SGCD: variants seen among roughly 807,000 people sequenced by gnomAD.
SGCD encodes the protein sarcoglycan delta.
Under a neutral mutation model 36.6 loss-of-function variants are expected in SGCD, and 18 were observed. The ratio of observed to expected loss-of-function variants is 0.49; its 90% CI spans 0.34 to 0.73. The LOEUF (loss-of-function observed/expected upper bound fraction) is 0.73, where lower values mean the gene tolerates loss of function less well. Ranked by LOEUF, SGCD falls within the 30% of genes least tolerant of loss-of-function variation. SGCD has a pLI of 0.01. For synonymous variants in SGCD, 133 were observed against 130.6 expected (o/e 1.02, Z -0.12); for missense variants, 387 against 346.7 (o/e 1.12, Z -0.92).
chr5:156,499,757 G>A (rs371986864), intron 3 of SGCD, among the ~76,000 whole-genome samples: 3 of 152,174 alleles, frequency 2.0e-5, no homozygotes, highest in Non-Finnish European at 4.4e-5. Flanking sequence ...GTGTGCTAAA[G>A]ATTATATTAA....
chr5:156,256,886 T>TA (rs1561587269), intron 3 of SGCD, among the ~76,000 whole-genome samples: 1 of 152,116 alleles, frequency 6.6e-6, no homozygotes, highest in East Asian at 1.9e-4. Context: ...TAATGTTGGA[T>TA]AAAAAAATGA....
chr5:156,192,741 A>G (rs1202770109), intron 3 of SGCD, among the ~76,000 whole-genome samples: 2 of 151,278 alleles, frequency 1.3e-5, no homozygotes, highest in African/African-American at 4.9e-5. Flanking sequence ...TGTACCCCAT[A>G]AATATGTACA....
chr5:155,895,963 C>T (rs17052955), intron 1 of SGCD, among the ~76,000 whole-genome samples: 1,661 of 152,342 alleles, frequency 0.011, 28 homozygotes, highest in African/African-American at 0.038. Flanking sequence ...AGATGTATGG[C>T]CTTTGCCGTA....
intron 3 of SGCD, among the ~76,000 whole-genome samples, chr5:156,467,261 C>T (rs1754758389): frequency 6.6e-6 from 1 of 152,100 alleles, no homozygotes; most frequent in Non-Finnish European, 1.5e-5. Context: ...TAGTTTTATT[C>T]ATTTAATTAT....
intron 1 of SGCD, among the ~76,000 whole-genome samples, chr5:155,890,265 C>G (rs950652354): frequency 3.3e-5 from 5 of 150,612 alleles, no homozygotes; most frequent in African/African-American, 1.2e-4. Flanking sequence ...ATAGGAAACT[C>G]ATTATGGCCA....
intron 3 of SGCD, among the ~76,000 whole-genome samples, chr5:156,487,428 A>C (rs188889466): frequency 1.3e-5 from 2 of 152,324 alleles, no homozygotes; most frequent in Admixed American, 1.3e-4. Context: ...ATAACAATGT[A>C]AGTTCAAGAA....
At chr5:156,260,053 A>T (rs1035081862) in intron 3 of SGCD, among the ~76,000 whole-genome samples, 1 of 152,198 alleles carries the variant, frequency 6.6e-6, no homozygotes, top group African/African-American at 2.4e-5. Context: ...TAGCAACAGA[A>T]AAAACACTGT....
At chr5:156,225,377 A>G (rs1198211185) in intron 3 of SGCD, among the ~76,000 whole-genome samples, 4 of 152,172 alleles carry the variant, frequency 2.6e-5, no homozygotes, top group African/African-American at 9.7e-5. Flanking sequence ...TACTTAACAC[A>G]AAACTTTTAT....
the SGCD span, among the ~76,000 whole-genome samples, chr5:155,841,416 C>T: frequency 6.6e-6 from 1 of 152,140 alleles, no homozygotes; most frequent in African/African-American, 2.4e-5. Flanking sequence ...TTGGATTTTT[C>T]CCAATTTGGT....
chr5:155,823,597 A>G, the SGCD span, among the ~76,000 whole-genome samples: 2 of 152,194 alleles, frequency 1.3e-5, no homozygotes, highest in African/African-American at 2.4e-5. Flanking sequence ...CATGAGCTGA[A>G]TGGTGCATGA....
At chr5:156,183,957 G>C (rs1433482034) in intron 3 of SGCD, among the ~76,000 whole-genome samples, 1 of 152,002 alleles carries the variant, frequency 6.6e-6, no homozygotes, top group Non-Finnish European at 1.5e-5. Flanking sequence ...CTTTCAGTAG[G>C]GTTACATTTT....
chr5:155,924,810 T>C (rs913643167), intron 1 of SGCD, among the ~76,000 whole-genome samples: 1 of 152,182 alleles, frequency 6.6e-6, no homozygotes, highest in Non-Finnish European at 1.5e-5. Context: ...GGTGAAAATA[T>C]TAAGGAAATG....
chr5:156,676,719 C>T (rs979520550), intron 7 of SGCD, among the ~76,000 whole-genome samples: 1 of 152,158 alleles, frequency 6.6e-6, no homozygotes, highest in Non-Finnish European at 1.5e-5. Context: ...ATTCAGAAGG[C>T]TTTGAGATGA....
At chr5:156,304,619 G>A (rs188737553) in intron 3 of SGCD, among the ~76,000 whole-genome samples, 56 of 152,316 alleles carry the variant, frequency 3.7e-4, no homozygotes, top group Admixed American at 3.3e-3. Context: ...GTAGAGTGGG[G>A]CACTGCTGAA....
chr5:155,796,874 T>G, the SGCD span, among the ~76,000 whole-genome samples: 1 of 143,552 alleles, frequency 7.0e-6, no homozygotes, highest in Non-Finnish European at 1.5e-5. Context: ...AGAAAAAGAT[T>G]AACAAACCAC....
chr5:156,005,017 G>C (rs1758729253), intron 1 of SGCD, among the ~76,000 whole-genome samples: 1 of 152,200 alleles, frequency 6.6e-6, no homozygotes, highest in South Asian at 2.1e-4. Context: ...GCAAGCACTA[G>C]CTGGCAGGAG....
At position 156,054,283 on chromosome 5, in the gene SGCD, TC is replaced by T. The variant is rs563821379; in HGVS notation, c.-281-63594del. On this transcript the variant is annotated intron_variant, in intron 1 of 9. Transcript: ENST00000517913. ...AAACCAATTAAACATGAACTTTCCT[TC>T]TTTTTTTTTTTTTTTTTTTGAGACA... Among the ~76,000 whole-genome samples the T allele has an allele frequency of 2.9e-3, 284 of 96,376 alleles. 14 individuals carry two copies. The highest frequency in any genetic ancestry group is 9.7e-3 in the African/African-American group (273 of 28,094). 63.2% of individuals were successfully genotyped at this position (96,376 alleles called of 152,430 possible).
At chr5:156,704,183 G>A (rs1351024925) in intron 7 of SGCD, 5 of 152,066 alleles carry the variant, frequency 3.3e-5, no homozygotes, top group South Asian at 2.1e-4. Context: ...CCCAAGTTCC[G>A]TTTTCCCTCC....
At chr5:155,832,328 G>A in the SGCD span, among the ~76,000 whole-genome samples, 1 of 152,070 alleles carries the variant, frequency 6.6e-6, no homozygotes. Flanking sequence ...ACCTCTTTCT[G>A]TTCTCCATAT....
Sources: allele counts gnomAD v4.1 joint callset (sites outside exome capture counted in the v4.1 genomes callset), GRCh38; gene constraint gnomAD v4.1.1; transcripts MANE v1.5; gene names NCBI Gene and HGNC (gene_info 2026-07-23, HGNC 2026-07-21).